LSAMP: variants seen among roughly 807,000 people sequenced by gnomAD.
The protein encoded by LSAMP is limbic system-associated membrane protein.
Under a neutral mutation model 38.6 loss-of-function variants are expected in LSAMP, and 7 were observed. The ratio of observed to expected loss-of-function variants is 0.18; its 90% CI spans 0.10 to 0.34. The LOEUF is 0.34. Ranked by LOEUF, LSAMP falls within the 10% of genes least tolerant of loss-of-function variation. LSAMP has a pLI of 1.00. For synonymous variants in LSAMP, 154 were observed against 166.8 expected, an observed-to-expected ratio of 0.92 and a Z score of 0.59; for missense variants, 313 against 420.0, an observed-to-expected ratio of 0.75 and a Z score of 2.23.
intron 1 of LSAMP, among the ~76,000 whole-genome samples, chr3:116,299,457 G>A (rs2047378184): frequency 6.6e-6 from 1 of 152,194 alleles, no homozygotes; most frequent in African/African-American, 2.4e-5. Flanking sequence ...ATGACAAAAA[G>A]TCACTATGCC....
intron 1 of LSAMP, among the ~76,000 whole-genome samples, chr3:116,198,129 TG>T (rs1174043377): frequency 1.3e-5 from 2 of 152,214 alleles, no homozygotes; most frequent in Non-Finnish European, 2.9e-5. Flanking sequence ...CAGAATGATA[TG>T]CTAAAAATGC....
At chr3:115,926,705 C>A (rs1035612463) in intron 3 of LSAMP, among the ~76,000 whole-genome samples, 2 of 152,170 alleles carry the variant, frequency 1.3e-5, no homozygotes, top group African/African-American at 4.8e-5. Context: ...CAGGACCTGG[C>A]AAATGCTAAA....
intron 3 of LSAMP, among the ~76,000 whole-genome samples, chr3:116,017,106 T>A (rs901567084): frequency 1.3e-5 from 2 of 152,144 alleles, no homozygotes; most frequent in African/African-American, 4.8e-5. Flanking sequence ...ATGTTCATTA[T>A]CATGGGAAAG....
At chr3:116,185,855 G>A (rs986279307) in intron 1 of LSAMP, among the ~76,000 whole-genome samples, 35 of 150,398 alleles carry the variant, frequency 2.3e-4, no homozygotes, top group African/African-American at 8.1e-4. Context: ...GCTGAAAATG[G>A]AGGAGTTGGG....
intron 1 of LSAMP, among the ~76,000 whole-genome samples, chr3:116,348,644 C>T (rs917382431): frequency 6.6e-6 from 1 of 152,074 alleles, no homozygotes; most frequent in Non-Finnish European, 1.5e-5. Context: ...ACCTGTAAAG[C>T]AATATATACA....
chr3:116,035,038 C>T (rs956746060), intron 2 of LSAMP, among the ~76,000 whole-genome samples: 1 of 152,160 alleles, frequency 6.6e-6, no homozygotes, highest in African/African-American at 2.4e-5. Flanking sequence ...AGCTATAAGC[C>T]AGCTGGTGCC....
intron 1 of LSAMP, among the ~76,000 whole-genome samples, chr3:116,426,092 A>C (rs1025043793): frequency 6.6e-6 from 1 of 152,198 alleles, no homozygotes; most frequent in Non-Finnish European, 1.5e-5. Flanking sequence ...TTTAAAAAAG[A>C]ATATAAATAG....
rs1403603772 is a variant in LSAMP at position 116,213,024 on chromosome 3, A to G, written c.156-126468T>C. Among the ~76,000 whole-genome samples the G allele has an allele frequency of 2.0e-5, 3 of 152,232 alleles. No homozygotes were observed. The East Asian group carries it at 5.8e-4, about 29-fold the overall frequency. ...TCACTTTGTACTGTGTGCATTTTTT[A>G]AACTATATTCAAAGATCCTGAAGCT... On this transcript the variant is annotated intron_variant, in intron 1 of 6. Coordinates refer to ENST00000490035, the MANE Select transcript of LSAMP (RefSeq NM_002338.5).
intron 3 of LSAMP, among the ~76,000 whole-genome samples, chr3:115,976,382 G>A (rs1342752345): frequency 6.6e-6 from 1 of 152,078 alleles, no homozygotes. Flanking sequence ...AAAATAAATC[G>A]CTAATATTTT....
intron 3 of LSAMP, among the ~76,000 whole-genome samples, chr3:115,940,479 C>CA (rs1295358600): frequency 3.0e-4 from 45 of 152,258 alleles, no homozygotes; most frequent in Non-Finnish European, 5.4e-4. Flanking sequence ...TTTAGCTAGA[C>CA]ACAAAAGTTC....
intron 3 of LSAMP, among the ~76,000 whole-genome samples, chr3:115,933,825 G>A (rs1430645347): frequency 6.6e-6 from 1 of 152,200 alleles, no homozygotes; most frequent in Non-Finnish European, 1.5e-5. Context: ...CCCTCCGCGA[G>A]AATGTGCCTG....
At position 116,175,145 on chromosome 3, in the gene LSAMP, C is replaced by T. The variant is rs187011377; in HGVS notation, c.156-88589G>A. ...TCCTGAGACAGCTAGGTTTATTGTT[C>T]TTTAGTTATTTTTTTAGGTTAAACT... On this transcript the variant is annotated intron_variant, in intron 1 of 6. Coordinates refer to ENST00000490035, the MANE Select transcript of LSAMP (RefSeq NM_002338.5). Among the ~76,000 whole-genome samples the T allele has an allele frequency of 1.6e-4, 18 of 113,024 alleles. No individual in the cohort carries two copies. The East Asian group carries it at 6.8e-3, about 43-fold the overall frequency. The allele number at this position is 113,024 out of a possible 152,430, so 74.1% of individuals were successfully genotyped here. A position where few individuals can be genotyped will look rare whatever the true frequency, so the allele number is the denominator to read the frequency against.
At chr3:115,963,625 T>C (rs1008503467) in intron 3 of LSAMP, among the ~76,000 whole-genome samples, 1 of 152,198 alleles carries the variant, frequency 6.6e-6, no homozygotes, top group Non-Finnish European at 1.5e-5. Flanking sequence ...GTATGACTAC[T>C]TGAAATCGGT....
intron 3 of LSAMP, among the ~76,000 whole-genome samples, chr3:115,972,934 A>G (rs1330277537): frequency 3.3e-5 from 5 of 151,208 alleles, no homozygotes; most frequent in African/African-American, 4.8e-5. Context: ...CTGCTGGGAC[A>G]ATCAAAAAAG....
intron 3 of LSAMP, among the ~76,000 whole-genome samples, chr3:116,013,036 C>T (rs1940376928): frequency 1.3e-5 from 2 of 152,162 alleles, no homozygotes; most frequent in South Asian, 4.1e-4. Flanking sequence ...AAGTTATTGC[C>T]TCTCCCCACC....
intron 3 of LSAMP, among the ~76,000 whole-genome samples, chr3:115,857,548 C>T (rs780112078): frequency 7.9e-5 from 12 of 152,116 alleles, no homozygotes; most frequent in Non-Finnish European, 1.2e-4. Flanking sequence ...ATGCAAATTT[C>T]AGTATTTTGG....
At chr3:115,980,385 C>A (rs1939321837) in intron 3 of LSAMP, among the ~76,000 whole-genome samples, 1 of 152,084 alleles carries the variant, frequency 6.6e-6, no homozygotes, top group Non-Finnish European at 1.5e-5. Context: ...TATTTTCCAA[C>A]TCCTCAATCT....
intron 2 of LSAMP, among the ~76,000 whole-genome samples, chr3:116,029,871 A>G (rs926132264): frequency 6.6e-6 from 1 of 152,038 alleles, no homozygotes; most frequent in Non-Finnish European, 1.5e-5. Flanking sequence ...ACATTATTAC[A>G]TTCTCAAGTG....
intron 1 of LSAMP, among the ~76,000 whole-genome samples, chr3:116,252,292 G>A (rs893311511): frequency 9.2e-5 from 14 of 152,076 alleles, no homozygotes; most frequent in African/African-American, 3.1e-4. Context: ...CACCACGAGG[G>A]GCAACTGAAA....
Sources: allele counts gnomAD v4.1 joint callset (sites outside exome capture counted in the v4.1 genomes callset), GRCh38; gene constraint gnomAD v4.1.1; transcripts MANE v1.5; gene names NCBI Gene and HGNC (gene_info 2026-07-23, HGNC 2026-07-21).